Variants in BRWD1 observed in about 807,000 individuals in gnomAD.
The protein encoded by BRWD1 is bromodomain and WD repeat-containing protein 1.
A neutral mutation model predicts 251.2 loss-of-function variants in BRWD1; 82 were observed. That is an observed-to-expected ratio of 0.33 (90% CI 0.27 to 0.39). The LOEUF is 0.39. Among genes scored for constraint, BRWD1 ranks in the 10% least tolerant of loss-of-function variants. BRWD1 has a pLI of 1.00. For missense variants in BRWD1, 2,233 were observed against 2,711.6 expected (o/e 0.82, Z 3.92); for synonymous variants, 918 against 902.8 (o/e 1.02, Z -0.30).
At chr21:39,223,831 C>CTGT (rs1446763838) in intron 29 of BRWD1, among the ~76,000 whole-genome samples, 1 of 152,042 alleles carries the variant, frequency 6.6e-6, no homozygotes, top group Non-Finnish European at 1.5e-5. Flanking sequence ...AAAGTAGAGG[C>CTGT]TACATGAAGG....
chr21:39,298,186 T>C, intron 5 of BRWD1: 1 of 1,139,454 alleles, frequency 8.8e-7, no homozygotes, highest in Non-Finnish European at 1.1e-6. Flanking sequence ...AAACAACATC[T>C]CAGAATAAAT....
chr21:39,313,074 G>C lies in BRWD1; in HGVS notation c.136C>G (p.Gln46Glu). 6.8e-7 allele frequency: 1 copy of C among 1,481,060 alleles called. No homozygotes were observed. The highest frequency in any genetic ancestry group is 8.9e-7 in the Non-Finnish European group (1 of 1,117,838). 91.7% of individuals were successfully genotyped at this position (1,481,060 alleles called of 1,614,324 possible). ...CGCGGGGACGGGCGCGCACAGACCTGGTACTGCTCCAGCTCCTGCACCAGC... is the reference window on the plus strand; with the variant it reads ...CGCGGGGACGGGCGCGCACAGACCTCGTACTGCTCCAGCTCCTGCACCAGC... ...QVLVQELEQY[Q>E]LLPKRLDWEG... is the part of the protein sequence containing the mutation. Residue 46 changes from glutamine (Q) to glutamate (E), a missense_variant and splice_region_variant, in exon 3 of 41, where the codon CAG (glutamine) becomes GAG (glutamate). By Grantham distance (29) the Gln-to-Glu change is conservative. This residue lies in a region of BRWD1 where 101 missense variants were observed against 95.6 expected (regional missense o/e 1.06). Transcript: ENST00000342449.
At chr21:39,211,981 C>T (rs987567670) in intron 34 of BRWD1, among the ~76,000 whole-genome samples, 5 of 152,130 alleles carry the variant, frequency 3.3e-5, no homozygotes, top group Non-Finnish European at 1.5e-5. Flanking sequence ...TGATTACCCA[C>T]TTTCATAAAC....
At position 39,313,477 on chromosome 21, in the gene BRWD1, C is replaced by G; in HGVS notation, c.15G>C (p.Ser5=). The change falls in exon 1 of 41, where the codon TCG becomes TCC. Residue 5 remains serine, a synonymous_variant. Coordinates refer to ENST00000342449, the MANE Select transcript of BRWD1 (RefSeq NM_033656.4). MAEP[S]SARRPVPLIE... is the part of the protein sequence containing the mutation. The stretch of plus-strand genomic sequence containing the variant: ...TGAGAGGCACCGGGCGTCGGGCGGA[C>G]GACGGCTCCGCCATGGCCGGGCGCG... 7.5e-7 allele frequency: 1 copy of G among 1,334,138 alleles called. No homozygotes were observed. The highest frequency in any genetic ancestry group is 1.6e-5 in the African/African-American group (1 of 64,490). The allele number at this position is 1,334,138 out of a possible 1,614,324, so 82.6% of individuals were successfully genotyped here.
intron 8 of BRWD1, among the ~76,000 whole-genome samples, chr21:39,280,697 G>A (rs967422540): frequency 1.3e-5 from 2 of 152,146 alleles, no homozygotes; most frequent in Non-Finnish European, 2.9e-5. Flanking sequence ...GTACAATTAA[G>A]GTATTATCTC....
Position 39,312,945 on chromosome 21 carries a change from G to A in BRWD1, c.139-45C>T, listed in dbSNP as rs1366672781. ...ACACGAGTGACCACCCCTCCGGCGCGGGGGGGGCGGGGGGCGGGGGGCCGG... is the reference window on the plus strand; with the variant it reads ...ACACGAGTGACCACCCCTCCGGCGCAGGGGGGGCGGGGGGCGGGGGGCCGG... On this transcript the variant is annotated intron_variant, in intron 3 of 40. Coordinates refer to ENST00000342449, the MANE Select transcript of BRWD1 (RefSeq NM_033656.4). 2.7e-5 allele frequency: 19 copies of A among 716,212 alleles called. 2 individuals are homozygous for A. The Admixed American group carries it at 9.3e-4, about 35-fold the overall frequency. The allele number at this position is 716,212 out of a possible 1,614,324, so 44.4% of individuals were successfully genotyped here.
intron 21 of BRWD1, among the ~76,000 whole-genome samples, chr21:39,241,703 T>C (rs1358292912): frequency 6.6e-6 from 1 of 152,138 alleles, no homozygotes; most frequent in Non-Finnish European, 1.5e-5. Context: ...CTTTACTTTA[T>C]TGTGCTTCAC....
Position 39,258,750 on chromosome 21 carries a change from A to AT in BRWD1, c.1886-79dup, listed in dbSNP as rs1390721093. On this transcript the variant is annotated intron_variant, in intron 17 of 40. Coordinates refer to ENST00000342449, the MANE Select transcript of BRWD1 (RefSeq NM_033656.4). Reference sequence around the variant, plus strand: ...AAATTTCGTTAGGGTACAAATTAAAATACATTAACAATGGTCAGAATTTCC... The same window carrying AT: ...AAATTTCGTTAGGGTACAAATTAAAATTACATTAACAATGGTCAGAATTTCC... 110 of 965,704 alleles carry AT rather than the reference A, an allele frequency of 1.1e-4. 1 individual carries two copies. The African/African-American group carries it at 1.8e-3, about 15-fold the overall frequency. The allele number at this position is 965,704 out of a possible 1,614,324, so 59.8% of individuals were successfully genotyped here. A position where few individuals can be genotyped will look rare whatever the true frequency, so the allele number is the denominator to read the frequency against.
At chr21:39,241,011 C>G (rs935744670) in intron 21 of BRWD1, among the ~76,000 whole-genome samples, 2 of 151,876 alleles carry the variant, frequency 1.3e-5, no homozygotes, top group Non-Finnish European at 2.9e-5. Flanking sequence ...AACGATTCTC[C>G]TGTCTCAGCC....
intron 14 of BRWD1, 78 bp from the exon 15 acceptor site, chr21:39,270,111 G>A: frequency 7.7e-7 from 1 of 1,306,590 alleles, no homozygotes; most frequent in Non-Finnish European, 1.0e-6. Context: ...TACTGTTACA[G>A]CATATACTTT....
intron 7 of BRWD1, 94 bp downstream of exon 7, chr21:39,295,649 G>T: frequency 9.5e-7 from 1 of 1,053,520 alleles, no homozygotes; most frequent in Non-Finnish European, 1.3e-6. Context: ...AAATCTCTGA[G>T]GATGGGAAAC....
At chr21:39,258,427 G>A (rs1184926945) in intron 18 of BRWD1, 60 bp downstream of exon 18, 30 of 1,355,168 alleles carry the variant, frequency 2.2e-5, no homozygotes, top group Non-Finnish European at 2.9e-5. Flanking sequence ...CAAAGACTTC[G>A]TTTACTCTTT....
At position 39,255,626 on chromosome 21, in the gene BRWD1, T is replaced by C. The variant is rs561516333; in HGVS notation, c.2255+19A>G. ...TTTTCACAGATAGAAACATTATAAA[T>C]AGATATCCTAAAACAAACCTAAATA... is the stretch of plus-strand genomic sequence containing the variant. On this transcript the variant is annotated intron_variant, in intron 19 of 40. Coordinates refer to ENST00000342449, the MANE Select transcript of BRWD1 (RefSeq NM_033656.4). 6.3e-7 allele frequency: 1 copy of C among 1,590,560 alleles called. No individual in the cohort carries two copies. The highest frequency in any genetic ancestry group is 1.3e-5 in the African/African-American group (1 of 74,440).
chr21:39,214,465 A>G (rs757408921), intron 32 of BRWD1, among the ~76,000 whole-genome samples: 6 of 152,212 alleles, frequency 3.9e-5, no homozygotes, highest in Non-Finnish European at 8.8e-5. Context: ...TAACATTCAT[A>G]AAAATGATGA....
intron 37 of BRWD1, 45 bp downstream of exon 37, chr21:39,206,063 A>G: frequency 6.4e-7 from 1 of 1,560,488 alleles, no homozygotes; most frequent in Non-Finnish European, 8.7e-7. Context: ...GACTCTCTCC[A>G]AAATTAAATA....
Position 39,264,459 on chromosome 21 carries a change from C to T in BRWD1, c.1885+1G>A. On this transcript the variant is annotated splice_donor_variant, in intron 17 of 40. Coordinates refer to ENST00000342449, the MANE Select transcript of BRWD1 (RefSeq NM_033656.4). LOFTEE classifies it high-confidence loss of function. ...AAAAAAAAAAAAAAGACTGCACTTA[C>T]TTGTTGCCACATAGCCCAGCTGTGG... The T allele has an allele frequency of 6.9e-7, 1 of 1,448,472 alleles. No homozygotes were observed. The highest frequency in any genetic ancestry group is 9.4e-7 in the Non-Finnish European group (1 of 1,069,032). 89.7% of individuals were successfully genotyped at this position (1,448,472 alleles called of 1,614,324 possible).
At chr21:39,228,252 C>T (rs1288670426) in intron 27 of BRWD1, among the ~76,000 whole-genome samples, 4 of 152,166 alleles carry the variant, frequency 2.6e-5, no homozygotes, top group African/African-American at 9.7e-5. Flanking sequence ...CACACCATTG[C>T]ACTCCAGCCT....
chr21:39,293,975 T>A lies in BRWD1; in HGVS notation c.667A>T (p.Thr223Ser). 8 of 1,614,236 alleles carry A rather than the reference T, an allele frequency of 5.0e-6. No homozygotes were observed. Among genetic ancestry groups the A allele is most frequent in the Non-Finnish European group, 6.8e-6 (8 of 1,180,052 alleles). Residue 223 changes from threonine to serine, a missense_variant, in exon 8 of 41, where the codon ACA (threonine) becomes TCA (serine). Physicochemically the swap from Thr to Ser is moderately conservative, Grantham distance 58. This residue lies in a region of BRWD1 where 185 missense variants were observed against 260.6 expected (regional missense o/e 0.71). Transcript: ENST00000342449. Reference sequence around the variant, plus strand: ...ATTTCTGCAGAATGACCTCTTAATGTAGATAACAAGCGGCCATTATGTGTT... The same window carrying A: ...ATTTCTGCAGAATGACCTCTTAATGAAGATAACAAGCGGCCATTATGTGTT... ...WSTHNGRLLS[T>S]LRGHSAEISD...
At chr21:39,316,484 T>C (rs1601530806), upstream of BRWD1, among the ~76,000 whole-genome samples, 1 of 152,202 alleles carries the variant, frequency 6.6e-6, no homozygotes, top group African/African-American at 2.4e-5. Context: ...ATTTAAACTT[T>C]CAATGATTGA....
Sources: allele counts gnomAD v4.1 joint callset (sites outside exome capture counted in the v4.1 genomes callset), GRCh38; gene constraint gnomAD v4.1.1; regional missense constraint gnomAD v4.1.1; transcripts MANE v1.5; gene names NCBI Gene and HGNC (gene_info 2026-07-23, HGNC 2026-07-21).